ZFHX3: variants seen among roughly 807,000 people sequenced by gnomAD.
ZFHX3 encodes the protein zinc finger homeobox protein 3.
A neutral mutation model predicts 279.1 loss-of-function variants in ZFHX3; 42 were observed. That is an observed-to-expected ratio of 0.15 (90% confidence interval 0.12 to 0.19). The LOEUF (loss-of-function observed/expected upper bound fraction) is 0.19, where lower values mean the gene tolerates loss of function less well. Among genes scored for constraint, ZFHX3 ranks in the 10% least tolerant of loss-of-function variants. ZFHX3 has a pLI of 1.00. For missense variants in ZFHX3, 4,981 were observed against 4,754.0 expected, an observed-to-expected ratio of 1.05 and a Z score of -1.40; for synonymous variants, 2,293 against 1,957.8, an observed-to-expected ratio of 1.17 and a Z score of -4.52.
Position 72,788,535 on chromosome 16 carries a change from G to T in ZFHX3, c.9741C>A (p.His3247Gln). 6.2e-7 allele frequency: 1 copy of T among 1,614,164 alleles called. No homozygotes were observed. The highest frequency in any genetic ancestry group is 8.5e-7 in the Non-Finnish European group (1 of 1,180,038). ...CAGGCAGGGGTTCCCCTTTCCCTTTGTGTGCCTTTTCCTTCTCCTTTACTT... is the reference window on the plus strand; with the variant it reads ...CAGGCAGGGGTTCCCCTTTCCCTTTTTGTGCCTTTTCCTTCTCCTTTACTT... The part of the protein sequence containing the change: ...SEKVKEKEKA[H>Q]KGKGEPLPVP... The change falls in exon 10 of 10, where the codon CAC becomes CAA. Residue 3247 changes from histidine (H) to glutamine (Q), a missense_variant. His to Gln is a conservative substitution (Grantham distance 24). This residue lies in a region of ZFHX3 where 1,034 missense variants were observed against 786.0 expected (regional missense o/e 1.32). Transcript: ENST00000268489.
At position 73,185,438 on chromosome 16, in the gene ZFHX3, T is replaced by G. The variant is rs115700592; in HGVS notation, c.-1103-41607A>C. Among the ~76,000 whole-genome samples the G allele has an allele frequency of 9.3e-3, 1,416 of 152,244 alleles. 21 individuals are homozygous for G. The highest frequency in any genetic ancestry group is 0.032 in the African/African-American group (1,326 of 41,534). On this transcript the variant is annotated intron_variant, in intron 5 of 17. Transcript: ENST00000641206. Reference sequence around the variant, plus strand: ...GCAAAGGGCGGAACCCAAGTCTAACTGAGTCAAGAGCCCACACTCTTAACT... The same window carrying G: ...GCAAAGGGCGGAACCCAAGTCTAACGGAGTCAAGAGCCCACACTCTTAACT...
chr16:73,592,319 A>T (rs2052007874), intron 2 of ZFHX3, among the ~76,000 whole-genome samples: 1 of 152,208 alleles, frequency 6.6e-6, no homozygotes, highest in African/African-American at 2.4e-5. Context: ...TGCAAATAAA[A>T]ACATGTACAG....
At chr16:73,166,738 C>T (rs1967381796) in intron 5 of ZFHX3, among the ~76,000 whole-genome samples, 1 of 152,208 alleles carries the variant, frequency 6.6e-6, no homozygotes, top group Non-Finnish European at 1.5e-5. Context: ...GGAACAAGAG[C>T]ATTCCTCTCT....
At chr16:73,166,292 G>C (rs990178759) in intron 5 of ZFHX3, among the ~76,000 whole-genome samples, 4 of 152,194 alleles carry the variant, frequency 2.6e-5, no homozygotes, top group African/African-American at 9.7e-5. Context: ...CCAGTGTTAT[G>C]AACTGCCTGG....
intron 2 of ZFHX3, among the ~76,000 whole-genome samples, chr16:73,459,554 G>T (rs1386428087): frequency 9.2e-5 from 14 of 152,084 alleles, no homozygotes; most frequent in Admixed American, 6.5e-5. Context: ...TTTAAGTAGA[G>T]ATGGGGTTTC....
chr16:72,916,747 G>A (rs1597375221), intron 3 of ZFHX3, among the ~76,000 whole-genome samples: 1 of 152,232 alleles, frequency 6.6e-6, no homozygotes, highest in East Asian at 1.9e-4. Flanking sequence ...GGCAAAGGAT[G>A]GGTAGATTGC....
chr16:73,228,096 A>C (rs2012660571), intron 5 of ZFHX3, among the ~76,000 whole-genome samples: 1 of 152,178 alleles, frequency 6.6e-6, no homozygotes, highest in Non-Finnish European at 1.5e-5. Context: ...CAGGACTTAA[A>C]GCCAGGCAGT....
chr16:72,860,626 C>A (rs577328954), intron 4 of ZFHX3, among the ~76,000 whole-genome samples: 13 of 152,152 alleles, frequency 8.5e-5, no homozygotes, highest in Non-Finnish European at 1.9e-4. Context: ...GATAGGGTTT[C>A]ACCATGTTGG....
chr16:73,333,970 G>A (rs1198008383), intron 3 of ZFHX3, among the ~76,000 whole-genome samples: 1 of 152,162 alleles, frequency 6.6e-6, no homozygotes, highest in East Asian at 1.9e-4. Context: ...TCTCAGGTAA[G>A]TCTAGTCTGG....
At chr16:73,681,148 A>C (rs1446280950) in intron 1 of ZFHX3, among the ~76,000 whole-genome samples, 1 of 152,224 alleles carries the variant, frequency 6.6e-6, no homozygotes, top group Non-Finnish European at 1.5e-5. Context: ...CAAAAATGAC[A>C]GAAGATGGTT....
chr16:73,097,494 T>G (rs1966179899), intron 7 of ZFHX3, among the ~76,000 whole-genome samples: 1 of 152,208 alleles, frequency 6.6e-6, no homozygotes, highest in Admixed American at 6.5e-5. Context: ...ATTATCTGGT[T>G]TTAGGTTTTA....
intron 1 of ZFHX3, among the ~76,000 whole-genome samples, chr16:72,970,381 C>T (rs1330690198): frequency 6.6e-6 from 1 of 152,088 alleles, no homozygotes; most frequent in African/African-American, 2.4e-5. Context: ...GTAACTGTAT[C>T]TCACACTTGA....
intron 2 of ZFHX3, among the ~76,000 whole-genome samples, chr16:73,482,480 G>A (rs2143628954): frequency 6.6e-6 from 1 of 152,156 alleles, no homozygotes; most frequent in African/African-American, 2.4e-5. Context: ...GAGGGGTCCG[G>A]CCCCTCCCTG....
intron 8 of ZFHX3, among the ~76,000 whole-genome samples, chr16:73,075,940 C>A (rs1479667189): frequency 6.6e-6 from 1 of 152,090 alleles, no homozygotes; most frequent in Non-Finnish European, 1.5e-5. Context: ...AGCTTTTCAT[C>A]ATAAAAATGA....
chr16:72,906,756 C>T (rs1450336005), intron 3 of ZFHX3, among the ~76,000 whole-genome samples: 1 of 152,166 alleles, frequency 6.6e-6, no homozygotes, highest in East Asian at 1.9e-4. Context: ...CGAGATCATG[C>T]CACTGCACTC....
chr16:73,716,725 C>T (rs1180773931), intron 1 of ZFHX3, among the ~76,000 whole-genome samples: 2 of 152,014 alleles, frequency 1.3e-5, no homozygotes, highest in Non-Finnish European at 2.9e-5. Context: ...GGCCTTCACA[C>T]AGAGTGATGG....
At chr16:73,512,572 T>G (rs930250818) in intron 2 of ZFHX3, among the ~76,000 whole-genome samples, 1 of 151,444 alleles carries the variant, frequency 6.6e-6, no homozygotes, top group Non-Finnish European at 1.5e-5. Context: ...AACAGAACAG[T>G]TGGAAAAGGA....
chr16:73,680,771 G>T (rs910490040), intron 1 of ZFHX3, among the ~76,000 whole-genome samples: 4 of 152,128 alleles, frequency 2.6e-5, no homozygotes, highest in Admixed American at 2.6e-4. Flanking sequence ...ATATAAAAAT[G>T]GTGAATCTTA....
At chr16:73,582,344 T>C (rs1340469582) in intron 2 of ZFHX3, among the ~76,000 whole-genome samples, 1 of 151,866 alleles carries the variant, frequency 6.6e-6, no homozygotes, top group African/African-American at 2.4e-5. Flanking sequence ...AAACCTAAAG[T>C]TGTGATGTAT....
Sources: allele counts gnomAD v4.1 joint callset (sites outside exome capture counted in the v4.1 genomes callset), GRCh38; gene constraint gnomAD v4.1.1; regional missense constraint gnomAD v4.1.1; transcripts MANE v1.5; gene names NCBI Gene and HGNC (gene_info 2026-07-23, HGNC 2026-07-21).